MTCL1: variants seen among roughly 807,000 people sequenced by gnomAD.
MTCL1 encodes the protein microtubule crosslinking factor 1.
Under a neutral mutation model 141.4 loss-of-function variants are expected in MTCL1, and 79 were observed. That is an observed-to-expected ratio of 0.56 (90% CI 0.47 to 0.67). The LOEUF (loss-of-function observed/expected upper bound fraction) is 0.67. MTCL1 is among the 30% of genes least tolerant of loss of function. The pLI, the probability that MTCL1 is intolerant of heterozygous loss-of-function variation, is 0.00. For synonymous variants in MTCL1, 914 were observed against 875.8 expected, an observed-to-expected ratio of 1.04 and a Z score of -0.77; for missense variants, 2,177 against 2,113.9, an observed-to-expected ratio of 1.03 and a Z score of -0.59.
chr18:8,815,843 C>T (rs910013404), intron 12 of MTCL1, among the ~76,000 whole-genome samples: 1 of 152,062 alleles, frequency 6.6e-6, no homozygotes, highest in African/African-American at 2.4e-5. Flanking sequence ...ATCTGAAACA[C>T]GTGAGTTTCG....
chr18:8,765,368 CTGAT>C (rs1273873889), intron 4 of MTCL1, among the ~76,000 whole-genome samples: 1 of 152,212 alleles, frequency 6.6e-6, no homozygotes, highest in Non-Finnish European at 1.5e-5. Context: ...GAACAGACGA[CTGAT>C]TGAAAGAGCA....
chr18:8,807,944 T>A (rs543471084), intron 11 of MTCL1, among the ~76,000 whole-genome samples: 141 of 150,992 alleles, frequency 9.3e-4, no homozygotes, highest in African/African-American at 3.3e-3. Flanking sequence ...GGAAAAGAAT[T>A]GCCTGGAAAG....
At chr18:8,714,491 G>A (rs2096114084), upstream of MTCL1, among the ~76,000 whole-genome samples, 2 of 152,202 alleles carry the variant, frequency 1.3e-5, no homozygotes, top group African/African-American at 2.4e-5. Flanking sequence ...GGGTTTAATG[G>A]ACTCACAGTT....
intron 4 of MTCL1, among the ~76,000 whole-genome samples, chr18:8,725,467 C>T (rs1054839491): frequency 6.6e-6 from 1 of 152,204 alleles, no homozygotes; most frequent in African/African-American, 2.4e-5. Context: ...AGGGCATCAT[C>T]ACTCAATATA....
intron 10 of MTCL1, among the ~76,000 whole-genome samples, chr18:8,798,517 A>C (rs1029180587): frequency 6.6e-6 from 1 of 152,202 alleles, no homozygotes; most frequent in Admixed American, 6.5e-5. Flanking sequence ...TTGAGTTGCC[A>C]TATAAATAAG....
chr18:8,829,021 G>C, intron 16 of MTCL1: 1 of 1,613,020 alleles, frequency 6.2e-7, no homozygotes, highest in East Asian at 2.2e-5. Flanking sequence ...TGTGTAACTC[G>C]CAGTTGGCAC....
chr18:8,766,990 G>A (rs2096462705), intron 4 of MTCL1, among the ~76,000 whole-genome samples: 1 of 152,234 alleles, frequency 6.6e-6, no homozygotes, highest in South Asian at 2.1e-4. Context: ...GCCTCCAGGG[G>A]TTTGTCCTGT....
chr18:8,821,187 C>T (rs2076833849), intron 13 of MTCL1, among the ~76,000 whole-genome samples: 1 of 152,182 alleles, frequency 6.6e-6, no homozygotes, highest in African/African-American at 2.4e-5. Flanking sequence ...ACAGAAGAGC[C>T]ACCTCCTCCA....
At chr18:8,777,256 A>C (rs1175789890) in intron 4 of MTCL1, among the ~76,000 whole-genome samples, 1 of 152,036 alleles carries the variant, frequency 6.6e-6, no homozygotes, top group Non-Finnish European at 1.5e-5. Context: ...AAACAACAAC[A>C]ACAAAATTCT....
intron 5 of MTCL1, among the ~76,000 whole-genome samples, chr18:8,781,313 C>T (rs2096531976): frequency 6.6e-6 from 1 of 151,144 alleles, no homozygotes; most frequent in East Asian, 1.9e-4. Flanking sequence ...TCAAAAAATA[C>T]GTCATTACCC....
intron 4 of MTCL1, among the ~76,000 whole-genome samples, chr18:8,721,788 G>C (rs545855): frequency 0.33 from 49,546 of 152,030 alleles, 8,370 homozygotes; most frequent in Admixed American, 0.46. Context: ...TCTTTTATCC[G>C]TCCCCTCCTT....
chr18:8,709,190 G>GTT (rs916476248), intron 1 of MTCL1, among the ~76,000 whole-genome samples: 1 of 132,144 alleles, frequency 7.6e-6, no homozygotes, highest in Non-Finnish European at 1.8e-5. Context: ...TATTTTTTCC[G>GTT]TTTTTTGTGG....
chr18:8,767,334 A>G (rs1258111707), intron 4 of MTCL1, among the ~76,000 whole-genome samples: 2 of 152,226 alleles, frequency 1.3e-5, no homozygotes, highest in African/African-American at 2.4e-5. Context: ...TAGATGATTT[A>G]TGGAACCAAG....
intron 12 of MTCL1, 119 bp downstream of exon 11, chr18:8,813,352 T>A: frequency 8.2e-7 from 1 of 1,215,578 alleles, no homozygotes; most frequent in Non-Finnish European, 1.1e-6. Flanking sequence ...TGCATGGGCT[T>A]CCAAAGGAAG....
intron 8 of MTCL1, among the ~76,000 whole-genome samples, chr18:8,795,768 C>CGG (rs920008751): frequency 6.6e-6 from 1 of 152,060 alleles, no homozygotes; most frequent in African/African-American, 2.4e-5. Flanking sequence ...TCTCTTCTGT[C>CGG]GGGGCTGTGG....
In MTCL1 at chr18:8,821,436, C is replaced by T. The variant is rs146756184; in HGVS notation, c.3157-31C>T. 268 of 1,417,722 alleles carry T rather than the reference C, an allele frequency of 1.9e-4. 4 individuals are homozygous for T. The Admixed American group carries it at 4.5e-3, about 24-fold the overall frequency. The allele number at this position is 1,417,722 out of a possible 1,614,324, so 87.8% of individuals were successfully genotyped here. ...GGGCTTCTGGACAACCAAAATTAAC[C>T]GATTCAGATGAAGTTATTTCTTCTT... is the stretch of plus-strand genomic sequence containing the variant. On this transcript the variant is annotated intron_variant, in intron 13 of 16. Coordinates refer to ENST00000359865, the Ensembl canonical transcript of MTCL1.
rs780957228 is a variant in MTCL1, at chr18:8,786,116, C to CA, written c.1887+25_1887+26insA. 6.5e-5 allele frequency: 90 copies of CA among 1,393,614 alleles called. No individual in the cohort carries two copies. In the African/African-American group the frequency reaches 8.0e-4, roughly 12 times the overall value. 86.3% of individuals were successfully genotyped at this position (1,393,614 alleles called of 1,614,324 possible). A position where few individuals can be genotyped will look rare whatever the true frequency, so the allele number is the denominator to read the frequency against. The stretch of plus-strand genomic sequence containing the variant: ...GGTCAGCGTGGGCAAGCAATCCCCC[C>CA]CCCCCGCCCTCCCCCTCCTTTTTCT... On this transcript the variant is annotated intron_variant, in intron 7 of 16. Transcript: ENST00000359865.
upstream of MTCL1, among the ~76,000 whole-genome samples, chr18:8,715,141 C>T (rs2096120968): frequency 6.6e-6 from 1 of 152,098 alleles, no homozygotes; most frequent in African/African-American, 2.4e-5. Flanking sequence ...TTATTTGTGC[C>T]AAAAAATATT....
upstream of MTCL1, chr18:8,705,636 T>TGA: frequency 8.3e-7 from 1 of 1,208,234 alleles, no homozygotes; most frequent in Admixed American, 4.5e-5. This position sits in a 1 kb window ranked among gnomAD's most constrained non-coding sequence, Gnocchi z 5.2. Flanking sequence ...ATCTGCTGCC[T>TGA]GAGCTGCTGC....
Sources: allele counts gnomAD v4.1 joint callset (sites outside exome capture counted in the v4.1 genomes callset), GRCh38; gene constraint gnomAD v4.1.1; non-coding constraint Gnocchi (gnomAD v3.1); transcripts MANE v1.5; gene names NCBI Gene and HGNC (gene_info 2026-07-23, HGNC 2026-07-21).